SDK2: variants seen among roughly 807,000 people sequenced by gnomAD.
SDK2 encodes the protein protein sidekick-2.
In SDK2, 105 loss-of-function variants were observed where a neutral mutation model predicts 253.9. The observed-to-expected ratio is 0.41, with a 90% CI of 0.35 to 0.49. The LOEUF is 0.49. Among genes scored for constraint, SDK2 ranks in the 20% least tolerant of loss-of-function variants. SDK2 has a pLI of 0.06. For missense variants in SDK2, 2,608 were observed against 3,003.0 expected (o/e 0.87, Z 3.07); for synonymous variants, 1,249 against 1,234.9 (o/e 1.01, Z -0.24).
chr17:73,470,080 A>G (rs2063637233), intron 3 of SDK2, among the ~76,000 whole-genome samples: 1 of 151,496 alleles, frequency 6.6e-6, no homozygotes, highest in African/African-American at 2.4e-5. Context: ...AGATTACTCC[A>G]GACATGCACA....
chr17:73,477,202 G>A (rs1939521478), intron 2 of SDK2, among the ~76,000 whole-genome samples: 1 of 152,088 alleles, frequency 6.6e-6, no homozygotes, highest in South Asian at 2.1e-4. Context: ...TATCCCCAAT[G>A]CGCTCCCTCC....
intron 18 of SDK2, among the ~76,000 whole-genome samples, chr17:73,409,993 C>A (rs1353600238): frequency 6.6e-6 from 1 of 152,122 alleles, no homozygotes; most frequent in Admixed American, 6.6e-5. Context: ...TAGCTGTGAT[C>A]ACAGGCACTC....
chr17:73,363,316 C>T (rs771441129), intron 38 of SDK2, among the ~76,000 whole-genome samples: 2 of 152,182 alleles, frequency 1.3e-5, no homozygotes, highest in South Asian at 2.1e-4. Context: ...GGTGATCCAC[C>T]GCCTCGGCCT....
chr17:73,432,496 A>T (rs146677356), intron 10 of SDK2, among the ~76,000 whole-genome samples: 5 of 152,088 alleles, frequency 3.3e-5, no homozygotes, highest in African/African-American at 9.7e-5. Context: ...GTGTGCCCCT[A>T]TTATCCCCAC....
intron 2 of SDK2, among the ~76,000 whole-genome samples, chr17:73,479,935 C>T (rs891603852): frequency 1.3e-5 from 2 of 152,216 alleles, no homozygotes; most frequent in African/African-American, 4.8e-5. Flanking sequence ...TCAGGTGATC[C>T]ACCTCCTTTG....
chr17:73,464,108 C>G (rs1186484205), intron 3 of SDK2, among the ~76,000 whole-genome samples: 4 of 152,176 alleles, frequency 2.6e-5, no homozygotes, highest in Admixed American at 2.0e-4. Flanking sequence ...CACTTCAGAT[C>G]ACTTCATGCC....
chr17:73,364,661 G>A (rs1271305386), intron 38 of SDK2, among the ~76,000 whole-genome samples: 2 of 151,962 alleles, frequency 1.3e-5, no homozygotes, highest in Non-Finnish European at 2.9e-5. Context: ...TAGCTCTGTC[G>A]CCCAGGCTGG....
At chr17:73,440,368 A>C (rs1019104515) in intron 6 of SDK2, among the ~76,000 whole-genome samples, 31 of 152,094 alleles carry the variant, frequency 2.0e-4, no homozygotes, top group African/African-American at 6.5e-4. Flanking sequence ...AGCCTCCCAA[A>C]GTGCTGGGAT....
rs186844187 is a variant in SDK2 at position 73,416,112 on chromosome 17, A to G, written c.2187-120T>C. On this transcript the variant is annotated intron_variant, in intron 16 of 44. Coordinates refer to ENST00000392650, the MANE Select transcript of SDK2 (RefSeq NM_001144952.2). ...TCCGGTGGTGGCGGAAGTGCTCTGC[A>G]CCTGTGCTGTCCGACAGGGTGCCCG... is the stretch of plus-strand genomic sequence containing the variant. 3 of 887,314 alleles carry G rather than the reference A, an allele frequency of 3.4e-6. No individual in the cohort carries two copies. In the Admixed American group the frequency reaches 7.3e-5, roughly 22 times the overall value. 55.0% of individuals were successfully genotyped at this position (887,314 alleles called of 1,614,324 possible).
At chr17:73,353,766 C>T (rs1004166251) in intron 40 of SDK2, among the ~76,000 whole-genome samples, 5 of 134,016 alleles carry the variant, frequency 3.7e-5, no homozygotes, top group African/African-American at 1.4e-4. Context: ...TGCAGTGGTG[C>T]CATCTCAGCT....
intron 40 of SDK2, among the ~76,000 whole-genome samples, chr17:73,356,172 C>A (rs77791638): frequency 0.017 from 2,614 of 152,330 alleles, 81 homozygotes; most frequent in African/African-American, 0.06. Flanking sequence ...TGGCACCGAA[C>A]TTCCCTGCCC....
chr17:73,529,441 C>T (rs2064152150), intron 1 of SDK2, among the ~76,000 whole-genome samples: 1 of 152,126 alleles, frequency 6.6e-6, no homozygotes, highest in African/African-American at 2.4e-5. Context: ...ACAAGGCTGC[C>T]TTGTTAATAA....
intron 18 of SDK2, 117 bp downstream of exon 18, chr17:73,414,527 C>T (rs902269586): frequency 1.4e-5 from 11 of 760,090 alleles, no homozygotes; most frequent in African/African-American, 8.7e-5. Context: ...TAGCTTGACT[C>T]GAGCCAATGA....
intron 1 of SDK2, among the ~76,000 whole-genome samples, chr17:73,529,285 C>A (rs745816961): frequency 3.3e-5 from 5 of 152,130 alleles, no homozygotes. Context: ...AGATTTCACT[C>A]GGGTCTGCCT....
chr17:73,420,450 G>C (rs2063220120), intron 15 of SDK2, among the ~76,000 whole-genome samples: 1 of 151,988 alleles, frequency 6.6e-6, no homozygotes, highest in South Asian at 2.1e-4. Context: ...TCCTGCCTCA[G>C]CCTCAAGAGT....
intron 36 of SDK2, among the ~76,000 whole-genome samples, chr17:73,376,770 G>A (rs567967444): frequency 6.6e-6 from 1 of 152,272 alleles, no homozygotes; most frequent in African/African-American, 2.4e-5. Flanking sequence ...TATGCTAGGG[G>A]GGCAATATTT....
rs770719261 is a variant in SDK2, at chr17:73,352,666, G to T, written c.5594-29C>A. ...CAGGAGCACAGAGATGGAGGCCCTG[G>T]GAGGTGAGGGGAAGCCCCAAATCCC... On this transcript the variant is annotated intron_variant, in intron 40 of 44. Transcript: ENST00000392650. The surrounding 1 kb of genome is among the most constrained non-coding windows in gnomAD (Gnocchi z 4.1). The T allele has an allele frequency of 6.2e-7, 1 of 1,609,940 alleles. No homozygotes were observed. The highest frequency in any genetic ancestry group is 8.5e-7 in the Non-Finnish European group (1 of 1,176,698).
chr17:73,393,547 G>A lies in SDK2; in HGVS notation c.3898+13C>T, dbSNP rs368973680. 4.2e-5 allele frequency: 64 copies of A among 1,537,918 alleles called. No individual in the cohort carries two copies. The highest frequency in any genetic ancestry group is 5.5e-5 in the Non-Finnish European group (62 of 1,133,148). On this transcript the variant is annotated intron_variant, in intron 27 of 44. Coordinates refer to ENST00000392650, the MANE Select transcript of SDK2 (RefSeq NM_001144952.2). ...TCCCAGCCTTCCCCAAGCTTGCTGG[G>A]ATACGGACTCACCATCATCCAGCGT...
At position 73,395,324 on chromosome 17, in the gene SDK2, T is replaced by A. The variant is rs765740285; in HGVS notation, c.3423A>T (p.Ser1141=). 6.2e-7 allele frequency: 1 copy of A among 1,614,022 alleles called. No individual in the cohort carries two copies. The highest frequency in any genetic ancestry group is 8.5e-7 in the Non-Finnish European group (1 of 1,179,896). The change falls in exon 25 of 45, where the codon TCA becomes TCT. Residue 1141 remains serine (S), a synonymous_variant. Transcript: ENST00000392650. The surrounding 1 kb of genome is among the most constrained non-coding windows in gnomAD (Gnocchi z 4.3). ...SVGYKIKYSR[S]DGHGKTLSHV... ...GGCTCAGCGTCTTGCCATGCCCGTC[T>A]GACCGGCTGTACTTGATCTTATAGC...
Sources: gnomAD v4.1 joint callset for allele counts (sites outside exome capture counted in the v4.1 genomes callset) on GRCh38, gnomAD v4.1.1 for gene constraint, Gnocchi (gnomAD v3.1) non-coding constraint, MANE v1.5 for transcripts, NCBI Gene and HGNC (gene_info 2026-07-23, HGNC 2026-07-21) for gene names.